PIKFYVE: variants seen among roughly 807,000 people sequenced by gnomAD.
PIKFYVE encodes phosphoinositide kinase, FYVE-type zinc finger containing, also known as 1-phosphatidylinositol 3-phosphate 5-kinase.
Under a neutral mutation model 257.9 loss-of-function variants are expected in PIKFYVE, and 122 were observed. That is an observed-to-expected ratio of 0.47 (90% CI 0.41 to 0.55). The LOEUF (loss-of-function observed/expected upper bound fraction) is 0.55, where lower values mean the gene tolerates loss of function less well. PIKFYVE is among the 20% of genes least tolerant of loss of function. The pLI, the probability that PIKFYVE is intolerant of heterozygous loss-of-function variation, is 0.00. For synonymous variants in PIKFYVE, 892 were observed against 868.9 expected (o/e 1.03, Z -0.47); for missense variants, 2,160 against 2,536.6 (o/e 0.85, Z 3.19).
At position 208,333,382 on chromosome 2, in the gene PIKFYVE, G is replaced by C; in HGVS notation, c.4031G>C (p.Arg1344Thr). ...SMSFAKYLEL[R>T]FYGHQYTRRA... The stretch of plus-strand genomic sequence containing the variant: ...TCATTTGCAAAATACCTTGAACTTA[G>C]GTTTTATGGGCACCAGTATACTCGC... The change falls in exon 24 of 42, where the codon AGG (arginine) becomes ACG (threonine). Residue 1344 changes from arginine (R) to threonine (T), a missense_variant. Transcript: ENST00000264380. The C allele has an allele frequency of 6.2e-7, 1 of 1,614,046 alleles. No individual in the cohort carries two copies. Among genetic ancestry groups the C allele is most frequent in the Non-Finnish European group, 8.5e-7 (1 of 1,179,992 alleles).
At position 208,317,859 on chromosome 2, in the gene PIKFYVE, TC is replaced by T; in HGVS notation, c.2008-6del. 6.2e-7 allele frequency: 1 copy of T among 1,606,810 alleles called. No homozygotes were observed. Among genetic ancestry groups the T allele is most frequent in the Non-Finnish European group, 8.5e-7 (1 of 1,173,298 alleles). ...TGAATTTTATTGTTTTCTTAATTGT[TC>T]CATTAGATCCCAGGTGGAAAGAAGT... On this transcript the variant is annotated splice_polypyrimidine_tract_variant and splice_region_variant and intron_variant, in intron 15 of 41. Transcript: ENST00000264380.
At chr2:208,346,670 A>C (rs1699263223) in intron 34 of PIKFYVE, among the ~76,000 whole-genome samples, 1 of 152,224 alleles carries the variant, frequency 6.6e-6, no homozygotes, top group South Asian at 2.1e-4. Context: ...TGACTTTGTC[A>C]GGAACACATT....
At chr2:208,330,863 C>T (rs979174859) in intron 23 of PIKFYVE, among the ~76,000 whole-genome samples, 169 bp downstream of exon 23, 4 of 150,102 alleles carry the variant, frequency 2.7e-5, no homozygotes, top group African/African-American at 4.9e-5. Context: ...ATCTAGTATT[C>T]GTTTTTTGAA....
At chr2:208,335,574 A>G (rs1698040212) in intron 25 of PIKFYVE, among the ~76,000 whole-genome samples, 155 bp downstream of exon 25, 1 of 152,158 alleles carries the variant, frequency 6.6e-6, no homozygotes, top group Non-Finnish European at 1.5e-5. Context: ...CGCTATGGAA[A>G]GATAATAAAA....
rs967368219 is a variant in PIKFYVE at position 208,357,702 on chromosome 2, A to G, written c.*2397A>G. The G allele has an allele frequency of 2.0e-5, 3 of 152,228 alleles. No homozygotes were observed. Among genetic ancestry groups the G allele is most frequent in the Admixed American group, 6.5e-5 (1 of 15,280 alleles). The allele number at this position is 152,228 out of a possible 1,614,324, so 9.4% of individuals were successfully genotyped here. On this transcript the variant is annotated 3_prime_UTR_variant, in exon 42 of 42. Coordinates refer to ENST00000264380, the MANE Select transcript of PIKFYVE (RefSeq NM_015040.4). ...GTCCCTTGCTGCTCTTGTTTAGGCC[A>G]CTATCATAGATATATTTCAAATATT...
Position 208,288,813 on chromosome 2 carries a change from A to C in PIKFYVE, c.906A>C (p.Arg302=), listed in dbSNP as rs754683111. The C allele has an allele frequency of 6.2e-6, 10 of 1,613,948 alleles. No individual in the cohort carries two copies. Among genetic ancestry groups the C allele is most frequent in the Non-Finnish European group, 8.5e-6 (10 of 1,179,968 alleles). The change falls in exon 7 of 42, where the codon CGA becomes CGC. Residue 302 remains arginine, a synonymous_variant. Transcript: ENST00000264380. ...VQEDAGKSPA[R]NRSASITNLS... ...AGGATGCTGGGAAATCTCCTGCTCGAAATAGGTAAACTGACAAATGAAAAC... is the reference window on the plus strand; with the variant it reads ...AGGATGCTGGGAAATCTCCTGCTCGCAATAGGTAAACTGACAAATGAAAAC...
intron 5 of PIKFYVE, among the ~76,000 whole-genome samples, chr2:208,278,612 C>T (rs1838795): frequency 0.96 from 146,114 of 152,204 alleles, 70,287 homozygotes; most frequent in East Asian, 1. Context: ...TTTATGTCCT[C>T]ATGTACTCAG....
chr2:208,283,104 A>G (rs1473850234), intron 5 of PIKFYVE, among the ~76,000 whole-genome samples: 3 of 152,140 alleles, frequency 2.0e-5, no homozygotes, highest in African/African-American at 4.8e-5. Context: ...GGAGTAGTAC[A>G]TGTCCCTGGG....
intron 25 of PIKFYVE, 59 bp from the exon 26 acceptor site, chr2:208,335,734 G>A (rs1383681191): frequency 3.9e-6 from 5 of 1,266,898 alleles, no homozygotes; most frequent in East Asian, 4.6e-5. Context: ...TTCTATTTAT[G>A]TGAGATAGAA....
intron 22 of PIKFYVE, among the ~76,000 whole-genome samples, 158 bp from the exon 23 acceptor site, chr2:208,330,365 A>G (rs1470614978): frequency 6.6e-6 from 1 of 152,230 alleles, no homozygotes; most frequent in Non-Finnish European, 1.5e-5. Context: ...AACAAATGGA[A>G]ACTATCACCG....
chr2:208,330,793 G>A (rs1697455626), intron 23 of PIKFYVE, 99 bp downstream of exon 23: 5 of 1,169,568 alleles, frequency 4.3e-6, no homozygotes, highest in East Asian at 4.8e-5. Flanking sequence ...TACTGGATTC[G>A]TTATTTGTTA....
chr2:208,348,601 T>A (rs528309538), intron 35 of PIKFYVE, among the ~76,000 whole-genome samples: 256 of 133,520 alleles, frequency 1.9e-3, no homozygotes, highest in Non-Finnish European at 3.0e-3. Context: ...AAAAAAAAAG[T>A]GTGTGTGTGT....
rs1245058145 is a variant in PIKFYVE, at chr2:208,308,274, G to A, written c.1636+3261G>A. 3.3e-5 allele frequency among the ~76,000 whole-genome samples: 5 copies of A among 152,056 alleles called. No homozygotes were observed. The South Asian group carries it at 1.0e-3, about 32-fold the overall frequency. The stretch of plus-strand genomic sequence containing the variant: ...AAATTAGCCGGGTGTGGTGGTGTGC[G>A]CCTGTGGTCCCAGCTATTTGGGAGG... On this transcript the variant is annotated intron_variant, in intron 12 of 41. Transcript: ENST00000264380.
Position 208,338,451 on chromosome 2 carries a change from T to A in PIKFYVE, c.4612-57T>A, listed in dbSNP as rs187540035. ...GTTTAAGATTCACTGGATTAAAAAA[T>A]TTTTTGAATGTGATTTTCATGTTTT... On this transcript the variant is annotated intron_variant, in intron 28 of 41. Transcript: ENST00000264380. 612 of 1,554,744 alleles carry A rather than the reference T, an allele frequency of 3.9e-4. 4 individuals carry two copies. In the East Asian group the frequency reaches 0.012, roughly 30 times the overall value.
At chr2:208,285,342 G>A (rs1372426637) in intron 5 of PIKFYVE, among the ~76,000 whole-genome samples, 2 of 152,126 alleles carry the variant, frequency 1.3e-5, no homozygotes, top group Admixed American at 6.5e-5. Context: ...GTGATCTGCC[G>A]CCTCGGCCTC....
At chr2:208,312,956 C>T (rs1433271471) in intron 13 of PIKFYVE, among the ~76,000 whole-genome samples, 7 of 152,206 alleles carry the variant, frequency 4.6e-5, no homozygotes, top group Non-Finnish European at 8.8e-5. Context: ...GCCACTGCAG[C>T]TTATCTGATA....
chr2:208,290,210 C>T (rs549178527), intron 7 of PIKFYVE, among the ~76,000 whole-genome samples: 80 of 152,280 alleles, frequency 5.3e-4, no homozygotes, highest in African/African-American at 1.9e-3. Context: ...TAATGACGTG[C>T]GTCTGTCATT....
chr2:208,323,230 A>G (rs1696501867), intron 17 of PIKFYVE, among the ~76,000 whole-genome samples: 1 of 149,518 alleles, frequency 6.7e-6, no homozygotes, highest in Non-Finnish European at 1.5e-5. Flanking sequence ...ATTTAGCATT[A>G]GGTATATCTC....
intron 30 of PIKFYVE, 21 bp from the exon 31 acceptor site, chr2:208,339,990 G>C: frequency 6.2e-7 from 1 of 1,608,448 alleles, no homozygotes; most frequent in Non-Finnish European, 8.5e-7. Context: ...TAATATATAA[G>C]TAGACTATTT....
Sources: gnomAD v4.1 joint callset for allele counts (sites outside exome capture counted in the v4.1 genomes callset) on GRCh38, gnomAD v4.1.1 for gene constraint, MANE v1.5 for transcripts, NCBI Gene and HGNC (gene_info 2026-07-23, HGNC 2026-07-21) for gene names.